Variants in SELENOO observed in about 807,000 individuals in gnomAD.
The protein encoded by SELENOO is selenoprotein O.
SELENOO carries 74 observed loss-of-function variants against 58.7 expected under a neutral mutation model. That is an observed-to-expected ratio of 1.26 (90% CI 1.04 to 1.53). The LOEUF (loss-of-function observed/expected upper bound fraction) is 1.53, where lower values mean the gene tolerates loss of function less well. Ranked by LOEUF, SELENOO falls within the 40% of genes most tolerant of loss-of-function variation. The probability of loss-of-function intolerance (pLI) is 0.00; values close to 1 mark genes in which losing one functional copy is unlikely to be tolerated. For missense variants in SELENOO, 1,149 were observed against 970.0 expected, an observed-to-expected ratio of 1.18 and a Z score of -2.45; for synonymous variants, 543 against 453.2, an observed-to-expected ratio of 1.20 and a Z score of -2.52.
chr22:50,204,009 C>G (rs1374776640), intron 1 of SELENOO, among the ~76,000 whole-genome samples: 4 of 152,078 alleles, frequency 2.6e-5, no homozygotes, highest in Non-Finnish European at 4.4e-5. Flanking sequence ...AAAAAAAATT[C>G]AAAAATGGAC....
Position 50,201,301 on chromosome 22 carries a change from C to T in SELENOO, c.265C>T (p.Pro89Ser). 9.1e-7 allele frequency: 1 copy of T among 1,103,452 alleles called. No individual in the cohort carries two copies. 68.4% of individuals were successfully genotyped at this position (1,103,452 alleles called of 1,614,324 possible). A position where few individuals can be genotyped will look rare whatever the true frequency, so the allele number is the denominator to read the frequency against. The change falls in exon 1 of 9, where the codon CCG (proline) becomes TCG (serine). Residue 89 changes from proline to serine, a missense_variant. Coordinates refer to ENST00000380903, the MANE Select transcript of SELENOO (RefSeq NM_031454.2). ...CTGCTTCACCCGCGTGCAGCCCACC[C>T]CGCTGCGGCAGCCGCGCCTCGTGGC... is the stretch of plus-strand genomic sequence containing the variant. ...GACFTRVQPT[P>S]LRQPRLVALS...
Position 50,215,430 on chromosome 22 carries a change from G to A in SELENOO, c.1352-287G>A, listed in dbSNP as rs2064398756. On this transcript the variant is annotated intron_variant, in intron 5 of 8. Transcript: ENST00000380903. Reference sequence around the variant, plus strand: ...GGGGCTTGTGTGGCACCTGTGCTGGGGGCAGCATTTGGGTCCGTGTGGGTC... The same window carrying A: ...GGGGCTTGTGTGGCACCTGTGCTGGAGGCAGCATTTGGGTCCGTGTGGGTC... Among the ~76,000 whole-genome samples, 5 of 151,890 alleles carry A rather than the reference G, an allele frequency of 3.3e-5. No homozygotes were observed. In the South Asian group the frequency reaches 1.0e-3, roughly 32 times the overall value.
intron 4 of SELENOO, 149 bp downstream of exon 4, chr22:50,210,460 G>T: frequency 7.4e-7 from 1 of 1,356,366 alleles, no homozygotes; most frequent in Non-Finnish European, 1.0e-6. Context: ...AGAGTCCAGG[G>T]CAATCCCGGA....
chr22:50,202,361 G>C (rs930334392), intron 1 of SELENOO, among the ~76,000 whole-genome samples: 4 of 151,936 alleles, frequency 2.6e-5, no homozygotes, highest in Non-Finnish European at 5.9e-5. Flanking sequence ...TCCCAAGCAA[G>C]CTCCTCAGAC....
Position 50,201,491 on chromosome 22 carries a change from T to G in SELENOO, c.455T>G (p.Leu152Arg). Residue 152 changes from leucine to arginine, a missense_variant, in exon 1 of 9, where the codon CTG becomes CGG. Transcript: ENST00000380903. The stretch of plus-strand genomic sequence containing the variant: ...CAATTCGGCCAGTTCGCCGGGCAGC[T>G]GGGCGACGGCGCCGCCATGTACCTG... ...GHQFGQFAGQ[L>R]GDGAAMYLGE... 1.4e-6 allele frequency: 2 copies of G among 1,425,576 alleles called. No homozygotes were observed. Among genetic ancestry groups the G allele is most frequent in the Non-Finnish European group, 1.8e-6 (2 of 1,087,706 alleles). 88.3% of individuals were successfully genotyped at this position (1,425,576 alleles called of 1,614,324 possible).
chr22:50,207,973 C>T (rs1389588694), intron 2 of SELENOO, among the ~76,000 whole-genome samples: 1 of 150,748 alleles, frequency 6.6e-6, no homozygotes, highest in African/African-American at 2.4e-5. Context: ...CATGGGCCTG[C>T]CCGGCACGTG....
chr22:50,203,538 G>C lies in SELENOO; in HGVS notation c.554+1948G>C, dbSNP rs1433637729. 2.6e-5 allele frequency among the ~76,000 whole-genome samples: 4 copies of C among 152,190 alleles called. No individual in the cohort carries two copies. The East Asian group carries it at 7.7e-4, about 29-fold the overall frequency. ...CATAAGGATAGACATAGACCAGTGG[G>C]ATGGAATAAAGAGCCTAGAAATAAA... On this transcript the variant is annotated intron_variant, in intron 1 of 8. Transcript: ENST00000380903.
Position 50,208,573 on chromosome 22 carries a change from CACACAGGGCGT to C in SELENOO, c.797_807del (p.His266ArgfsTer142). ...TGAGATTTTTAAGTCTGCAGATGAG[CACACAGGGCGT>C]GCAGGCCCCAGCGTGGGGAGGAACG... On this transcript the variant is annotated frameshift_variant, in exon 3 of 9. Transcript: ENST00000380903. LOFTEE classifies it high-confidence loss of function. The C allele has an allele frequency of 6.2e-7, 1 of 1,613,934 alleles. No individual in the cohort carries two copies.
Position 50,210,925 on chromosome 22 carries a change from C to T in SELENOO, c.1351+14C>T. The T allele has an allele frequency of 6.2e-7, 1 of 1,613,784 alleles. No individual in the cohort carries two copies. The highest frequency in any genetic ancestry group is 8.5e-7 in the Non-Finnish European group (1 of 1,179,914). Reference sequence around the variant, plus strand: ...TGCATCTGACCGGTGAGTGACCCAGCCGTGCCCACAGCAAGGCGCCTCCCG... The same window carrying T: ...TGCATCTGACCGGTGAGTGACCCAGTCGTGCCCACAGCAAGGCGCCTCCCG... On this transcript the variant is annotated intron_variant, in intron 5 of 8. Coordinates refer to ENST00000380903, the MANE Select transcript of SELENOO (RefSeq NM_031454.2).
Position 50,217,124 on chromosome 22 carries a change from C to G in SELENOO, c.1841C>G (p.Ser614Ter). ...AIEAAERGDF[S>*]EVRRVLKLLE... The stretch of plus-strand genomic sequence containing the variant: ...GAGGCTGCCGAGCGCGGGGACTTCT[C>G]AGAGGCAAGCACACGCCTGTCCCTG... Residue 614 changes from serine (S) to a stop codon, truncating the protein, a stop_gained, in exon 8 of 9, where the codon TCA (serine) becomes TGA (stop). Coordinates refer to ENST00000380903, the MANE Select transcript of SELENOO (RefSeq NM_031454.2). LOFTEE classifies it low-confidence loss of function (END_TRUNC). 6.2e-7 allele frequency: 1 copy of G among 1,612,818 alleles called. No homozygotes were observed. The highest frequency in any genetic ancestry group is 8.5e-7 in the Non-Finnish European group (1 of 1,179,768).
chr22:50,206,422 C>G lies in SELENOO; in HGVS notation c.660C>G (p.Val220=). The G allele has an allele frequency of 6.2e-7, 1 of 1,614,212 alleles. No homozygotes were observed. The highest frequency in any genetic ancestry group is 1.1e-5 in the South Asian group (1 of 91,086). The change falls in exon 2 of 9, where the codon GTC becomes GTG. Residue 220 remains valine, a synonymous_variant. Coordinates refer to ENST00000380903, the MANE Select transcript of SELENOO (RefSeq NM_031454.2). ...GVPTTRAGAC[V]TSESTVVRDV... ...CCACCACACGGGCCGGCGCCTGCGTCACGTCCGAGTCCACGGTGGTGCGCG... is the reference window on the plus strand; with the variant it reads ...CCACCACACGGGCCGGCGCCTGCGTGACGTCCGAGTCCACGGTGGTGCGCG...
Position 50,216,877 on chromosome 22 carries a change from G to A in SELENOO, c.1688+1G>A. ...GGGCTGACTGGCTACAGGCGTACAG[G>A]TGAGCCCTGCGTCCATGGTCACCGG... On this transcript the variant is annotated splice_donor_variant, in intron 7 of 8. Transcript: ENST00000380903. LOFTEE classifies it high-confidence loss of function. 1 of 1,607,012 alleles carries A rather than the reference G, an allele frequency of 6.2e-7. No homozygotes were observed. The highest frequency in any genetic ancestry group is 1.1e-5 in the South Asian group (1 of 91,042).
rs575862101 is a variant in SELENOO at position 50,211,435 on chromosome 22, C to A, written c.1351+524C>A. ...CACTAGCTAGGACGTGTATGTTGAA[C>A]AGAAGGAGCTGAGATGGGCATTCTT... On this transcript the variant is annotated intron_variant, in intron 5 of 8. Coordinates refer to ENST00000380903, the MANE Select transcript of SELENOO (RefSeq NM_031454.2). Among the ~76,000 whole-genome samples the A allele has an allele frequency of 2.1e-3, 327 of 152,292 alleles. 1 individual carries two copies. The highest frequency in any genetic ancestry group is 3.3e-3 in the Non-Finnish European group (227 of 68,030).
intron 2 of SELENOO, 87 bp from the exon 3 acceptor site, chr22:50,208,449 G>A (rs1488702685): frequency 1.6e-6 from 2 of 1,249,958 alleles, no homozygotes; most frequent in African/African-American, 1.5e-5. Context: ...AAAAAAAATA[G>A]CCACAACAAC....
At position 50,216,992 on chromosome 22, in the gene SELENOO, T is replaced by C. The variant is rs1229131332; in HGVS notation, c.1709T>C (p.Leu570Pro). The C allele has an allele frequency of 6.2e-7, 1 of 1,610,708 alleles. No homozygotes were observed. The highest frequency in any genetic ancestry group is 1.1e-5 in the South Asian group (1 of 91,054). ...QAYRARLDKD[L>P]EGAGDAAAWQ... is the part of the protein sequence containing the mutation. ...TCCAGAGCCCGGCTGGACAAGGACC[T>C]GGAAGGCGCTGGGGACGCTGCCGCC... The change falls in exon 8 of 9, where the codon CTG becomes CCG. Residue 570 changes from leucine (L) to proline (P), a missense_variant. Transcript: ENST00000380903.
rs374757417 is a variant in SELENOO, at chr22:50,210,899, A to C, written c.1339A>C (p.Met447Leu). The C allele has an allele frequency of 6.2e-7, 1 of 1,613,948 alleles. No individual in the cohort carries two copies. Among genetic ancestry groups the C allele is most frequent in the African/African-American group, 1.3e-5 (1 of 74,938 alleles). Residue 447 changes from methionine to leucine, a missense_variant, in exon 5 of 9, where the codon ATG (methionine) becomes CTG (leucine). Transcript: ENST00000380903. ...GALVSKLLET[M>L]HLTGADFTNT... ...GCTGGTGTCCAAGCTCCTGGAGACC[A>C]TGCATCTGACCGGTGAGTGACCCAG...
At chr22:50,212,333 T>G (rs1327679669) in intron 5 of SELENOO, among the ~76,000 whole-genome samples, 1 of 152,228 alleles carries the variant, frequency 6.6e-6, no homozygotes. Flanking sequence ...CAATTTAGAT[T>G]TTCTTTTCTT....
rs1464215424 is a variant in SELENOO at position 50,217,615 on chromosome 22, G to A, written c.*246G>A. ...TCCTAAATAAACCAGCAACTCCCTC[G>A]AGTCTGTCTCTGTGGTCATTGTTCC... On this transcript the variant is annotated 3_prime_UTR_variant, in exon 9 of 9. Transcript: ENST00000380903. 1.2e-5 allele frequency: 13 copies of A among 1,071,288 alleles called. No individual in the cohort carries two copies. The highest frequency in any genetic ancestry group is 7.8e-5 in the East Asian group (3 of 38,334). 66.4% of individuals were successfully genotyped at this position (1,071,288 alleles called of 1,614,324 possible). A position where few individuals can be genotyped will look rare whatever the true frequency, so the allele number is the denominator to read the frequency against.
chr22:50,210,374 A>G, intron 4 of SELENOO, 63 bp downstream of exon 4: 1 of 1,570,002 alleles, frequency 6.4e-7, no homozygotes, highest in African/African-American at 1.4e-5. Flanking sequence ...GGCTGCATGA[A>G]ACCTGCTGCC....
Sources: gnomAD v4.1 joint callset for allele counts (sites outside exome capture counted in the v4.1 genomes callset) on GRCh38, gnomAD v4.1.1 for gene constraint, MANE v1.5 for transcripts, NCBI Gene and HGNC (gene_info 2026-07-23, HGNC 2026-07-21) for gene names.